Variants in ZNF407 observed in about 807,000 individuals in gnomAD.
ZNF407 encodes zinc finger protein 407.
ZNF407 carries 17 observed loss-of-function variants against 131.2 expected under a neutral mutation model. The ratio of observed to expected loss-of-function variants is 0.13; its 90% CI spans 0.09 to 0.19. ZNF407 has a LOEUF of 0.19. Among genes scored for constraint, ZNF407 ranks in the 10% least tolerant of loss-of-function variants. The pLI, the probability that ZNF407 is intolerant of heterozygous loss-of-function variation, is 1.00. For synonymous variants in ZNF407, 1,156 were observed against 1,062.0 expected (o/e 1.09, Z -1.72); for missense variants, 2,681 against 2,830.6 (o/e 0.95, Z 1.20).
At chr18:75,008,159 G>A (rs1381957760) in intron 8 of ZNF407, among the ~76,000 whole-genome samples, 1 of 152,144 alleles carries the variant, frequency 6.6e-6, no homozygotes, top group Non-Finnish European at 1.5e-5. Flanking sequence ...GGCAGCAGGG[G>A]ACCCATGGAG....
intron 3 of ZNF407, among the ~76,000 whole-genome samples, chr18:74,714,845 A>T (rs1416600054): frequency 3.3e-5 from 5 of 152,170 alleles, no homozygotes; most frequent in African/African-American, 1.2e-4. Context: ...AGTCTGACAT[A>T]AGGAGTCAAA....
At chr18:74,803,195 G>A (rs1970050737) in intron 4 of ZNF407, among the ~76,000 whole-genome samples, 1 of 152,166 alleles carries the variant, frequency 6.6e-6, no homozygotes, top group African/African-American at 2.4e-5. Context: ...ACTCAATCCT[G>A]AGCTAACTGG....
At chr18:74,902,485 A>G (rs757678412) in intron 7 of ZNF407, among the ~76,000 whole-genome samples, 25 of 152,306 alleles carry the variant, frequency 1.6e-4, no homozygotes, top group Non-Finnish European at 3.5e-4. Context: ...AGAGACTTAC[A>G]AGGGACAAAG....
intron 4 of ZNF407, among the ~76,000 whole-genome samples, chr18:74,805,141 ACT>A (rs1195885296): frequency 6.6e-6 from 1 of 152,172 alleles, no homozygotes; most frequent in African/African-American, 2.4e-5. Flanking sequence ...ATGATGAAAG[ACT>A]ATTTTAGAAC....
At position 74,632,668 on chromosome 18, in the gene ZNF407, G is replaced by A. The variant is rs764502615; in HGVS notation, c.1649G>A (p.Cys550Tyr). The A allele has an allele frequency of 1.3e-5, 21 of 1,613,916 alleles. No individual in the cohort carries two copies. Among genetic ancestry groups the A allele is most frequent in the Non-Finnish European group, 1.7e-5 (20 of 1,179,906 alleles). The change falls in exon 2 of 9, where the codon TGC becomes TAC. Residue 550 changes from cysteine to tyrosine, a missense_variant. Transcript: ENST00000299687. ...RTDLEIHVKRCHAREMKFYCR... is the reference protein window; with the variant it reads ...RTDLEIHVKRYHAREMKFYCR... ...GATTTGGAAATCCATGTGAAAAGGT[G>A]CCATGCCAGAGAGATGAAATTTTAC...
At chr18:74,764,935 CTCAT>C (rs1969194406) in intron 3 of ZNF407, among the ~76,000 whole-genome samples, 1 of 152,070 alleles carries the variant, frequency 6.6e-6, no homozygotes, top group African/African-American at 2.4e-5. Context: ...AGTCTTCATT[CTCAT>C]TATCTTCACA....
intron 1 of ZNF407, among the ~76,000 whole-genome samples, chr18:74,622,929 A>AGT (rs1983593788): frequency 3.1e-4 from 47 of 151,072 alleles, no homozygotes; most frequent in African/African-American, 9.7e-4. Flanking sequence ...AGTATCTGTG[A>AGT]ATGTGTGTGT....
chr18:74,930,122 T>C (rs536517594), intron 8 of ZNF407, among the ~76,000 whole-genome samples: 7 of 152,324 alleles, frequency 4.6e-5, no homozygotes, highest in African/African-American at 1.7e-4. Flanking sequence ...GAACCAACAT[T>C]CCTTTTAGTT....
chr18:74,726,628 G>T (rs1169838254), intron 3 of ZNF407, among the ~76,000 whole-genome samples: 1 of 152,146 alleles, frequency 6.6e-6, no homozygotes, highest in Non-Finnish European at 1.5e-5. Flanking sequence ...ATCCTATCTT[G>T]TCAGGATATT....
At chr18:74,719,385 GCTTA>G (rs36159311) in intron 3 of ZNF407, among the ~76,000 whole-genome samples, 113,298 of 150,802 alleles carry the variant, frequency 0.75, 43,107 homozygotes, top group East Asian at 0.89. Flanking sequence ...TTACTTGCTT[GCTTA>G]CTTACTTACT....
intron 7 of ZNF407, among the ~76,000 whole-genome samples, chr18:74,897,799 A>T (rs1414264636): frequency 6.6e-6 from 1 of 152,214 alleles, no homozygotes; most frequent in Non-Finnish European, 1.5e-5. Context: ...GGAGGAGCTG[A>T]CAGAAGTCAC....
chr18:74,968,516 G>A (rs1489077868), intron 8 of ZNF407, among the ~76,000 whole-genome samples: 3 of 152,034 alleles, frequency 2.0e-5, no homozygotes, highest in African/African-American at 7.3e-5. Context: ...TTTCCTTTAT[G>A]TGAGGATATT....
At chr18:75,028,531 G>A (rs1208272175) in intron 8 of ZNF407, among the ~76,000 whole-genome samples, 3 of 152,196 alleles carry the variant, frequency 2.0e-5, no homozygotes. Flanking sequence ...AGGAATTTGA[G>A]GGGACACATT....
At chr18:74,730,724 A>G (rs530290036) in intron 3 of ZNF407, among the ~76,000 whole-genome samples, 58 of 152,148 alleles carry the variant, frequency 3.8e-4, no homozygotes, top group Non-Finnish European at 7.3e-4. Flanking sequence ...TAGTCTATAA[A>G]TGTATTCATT....
intron 8 of ZNF407, among the ~76,000 whole-genome samples, chr18:75,026,703 C>G (rs185120475): frequency 6.6e-6 from 1 of 152,130 alleles, no homozygotes; most frequent in Admixed American, 6.5e-5. Flanking sequence ...AAATAACTGC[C>G]GTGTTTATTA....
intron 4 of ZNF407, among the ~76,000 whole-genome samples, chr18:74,862,974 G>A (rs1970958142): frequency 6.7e-6 from 1 of 148,360 alleles, no homozygotes; most frequent in Non-Finnish European, 1.5e-5. Flanking sequence ...AGGCTGGAGT[G>A]CAGTGGCACG....
chr18:74,661,394 A>G (rs906473329), intron 3 of ZNF407, among the ~76,000 whole-genome samples: 1 of 148,260 alleles, frequency 6.7e-6, no homozygotes, highest in African/African-American at 2.4e-5. Flanking sequence ...ATATATATAT[A>G]TAATATATTT....
chr18:74,868,737 C>A (rs543273349), intron 4 of ZNF407, among the ~76,000 whole-genome samples: 1 of 152,264 alleles, frequency 6.6e-6, no homozygotes, highest in Admixed American at 6.5e-5. Flanking sequence ...GAAGCCCCAC[C>A]TTAACAGTGA....
At chr18:74,994,632 A>G (rs1026261181) in intron 8 of ZNF407, among the ~76,000 whole-genome samples, 1 of 152,222 alleles carries the variant, frequency 6.6e-6, no homozygotes, top group African/African-American at 2.4e-5. Context: ...TGCAGAGAGC[A>G]GGGCTCATGT....
Sources: gnomAD v4.1 joint callset for allele counts (sites outside exome capture counted in the v4.1 genomes callset) on GRCh38, gnomAD v4.1.1 for gene constraint, MANE v1.5 for transcripts, NCBI Gene and HGNC (gene_info 2026-07-23, HGNC 2026-07-21) for gene names.